The following NXF3 variants were observed in gnomAD, a reference collection of about 807,000 sequenced individuals.
The protein encoded by NXF3 is TAP-like protein 3.
NXF3 carries 34 observed loss-of-function variants against 48.4 expected under a neutral mutation model. The observed-to-expected ratio is 0.70, with a 90% CI of 0.53 to 0.93. NXF3 has a LOEUF of 0.93. Ranked by LOEUF, NXF3 falls within the 40% of genes least tolerant of loss-of-function variation. NXF3 has a pLI of 0.00. For synonymous variants in NXF3, 132 were observed against 145.7 expected, an observed-to-expected ratio of 0.91 and a Z score of 0.68; for missense variants, 359 against 406.1, an observed-to-expected ratio of 0.88 and a Z score of 1.00.
At chrX:103,080,645 A>G in intron 9 of NXF3, 33 bp from the exon 10 acceptor site, 1 of 1,193,865 alleles carries the variant, frequency 8.4e-7, no homozygotes, top group African/African-American at 1.7e-5. Flanking sequence ...GGACAACGGT[A>G]AGTGAAACTG....
chrX:103,084,838 A>G lies in NXF3; in HGVS notation c.74T>C (p.Ile25Thr), dbSNP rs1467618066. Residue 25 changes from isoleucine (I) to threonine (T), a missense_variant, in exon 2 of 20, where the codon ATT becomes ACT. Physicochemically the swap from Ile to Thr is moderately conservative, Grantham distance 89 (BLOSUM62 -1). Coordinates refer to ENST00000395065, the MANE Select transcript of NXF3 (RefSeq NM_022052.2). ...VVQRRARCWD[I>T]YQRRFSSRSE... is the part of the protein sequence containing the mutation. ...CCTACTGCTAAATCTCCTTTGGTAA[A>G]TATCCCAACATCTTGCTCTTCTTTG... 8.3e-7 allele frequency: 1 copy of G among 1,210,340 alleles called. No individual in the cohort carries two copies. The highest frequency in any genetic ancestry group is 1.1e-6 in the Non-Finnish European group (1 of 894,879).
chrX:103,087,257 T>C, intron 1 of NXF3: 1 of 1,022,937 alleles, frequency 9.8e-7, no homozygotes, highest in Non-Finnish European at 1.4e-6. Flanking sequence ...GCCAACAAAG[T>C]ACCTAGAAAC....
chrX:103,076,432 A>G, intron 18 of NXF3, 131 bp from the exon 19 acceptor site: 2 of 698,680 alleles, frequency 2.9e-6, no homozygotes, highest in Admixed American at 5.1e-5. Flanking sequence ...AGCAGAAGGA[A>G]CCCTGTGAAA....
Position 103,082,835 on chromosome X carries a change from A to G in NXF3, c.705T>C (p.Arg235=). The change falls in exon 8 of 20, where the codon CGT becomes CGC. Residue 235 remains arginine (R), a synonymous_variant. Transcript: ENST00000395065. The part of the protein sequence containing the change: ...RLPFYPDMVN[R]DTKMASNPRK... ...TAGGATTCGATGCCATCTTAGTATC[A>G]CGGTTCACCATGTCTCCAGAAAGCA... 8.3e-7 allele frequency: 1 copy of G among 1,208,609 alleles called. No homozygotes were observed. Among genetic ancestry groups the G allele is most frequent in the African/African-American group, 1.7e-5 (1 of 57,606 alleles).
intron 3 of NXF3, 77 bp downstream of exon 3, chrX:103,084,265 C>A: frequency 9.0e-7 from 1 of 1,105,534 alleles, no homozygotes; most frequent in East Asian, 3.0e-5. Flanking sequence ...ACAAAAGTAT[C>A]TAGTGTCCAC....
In NXF3 at chrX:103,083,249, C is replaced by T. The variant is rs778047246; in HGVS notation, c.565G>A (p.Gly189Ser). 5.8e-6 allele frequency: 7 copies of T among 1,209,029 alleles called. No homozygotes were observed. The highest frequency in any genetic ancestry group is 4.6e-4 in the Middle Eastern group (2 of 4,371). The change falls in exon 6 of 20, where the codon GGC becomes AGC. Residue 189 changes from glycine (G) to serine (S), a missense_variant. Physicochemically the swap from Gly to Ser is moderately conservative, Grantham distance 56 (BLOSUM62 0). Transcript: ENST00000395065. ...TCCCTGTGCACAAAGTGGGGTATGC[C>T]AGCAGGGTTGACAAAGATTGATATC... ...EKISIFVNPA[G>S]IPHFVHRELK...
intron 10 of NXF3, 66 bp from the exon 11 acceptor site, chrX:103,080,282 G>A: frequency 9.6e-7 from 1 of 1,041,789 alleles, no homozygotes; most frequent in Non-Finnish European, 1.3e-6. Flanking sequence ...TACGGAAAAG[G>A]ATAGACCCAG....
intron 18 of NXF3, 40 bp downstream of exon 18, chrX:103,077,574 T>C: frequency 3.3e-6 from 4 of 1,204,117 alleles, no homozygotes; most frequent in Non-Finnish European, 4.5e-6. Flanking sequence ...CTGAGGCAAC[T>C]GGTAGTTCAT....
intron 1 of NXF3, chrX:103,088,911 G>T (rs1922214721): frequency 1.7e-6 from 2 of 1,193,684 alleles, no homozygotes; most frequent in East Asian, 5.9e-5. Flanking sequence ...TCAAAAATAC[G>T]AGGTCTCAGA....
At position 103,082,989 on chromosome X, in the gene NXF3, C is replaced by T; in HGVS notation, c.691+15G>A. On this transcript the variant is annotated intron_variant, in intron 7 of 19. Transcript: ENST00000395065. ...TCTGCCCTCATCTACCATAGAATTA[C>T]TTTCTCAGCCATACCTGGGTAAAAT... 1 of 1,200,019 alleles carries T rather than the reference C, an allele frequency of 8.3e-7. No individual in the cohort carries two copies. The highest frequency in any genetic ancestry group is 1.1e-6 in the Non-Finnish European group (1 of 885,207).
At chrX:103,084,305 CT>C in intron 3 of NXF3, 36 bp downstream of exon 3, 1 of 1,204,973 alleles carries the variant, frequency 8.3e-7, no homozygotes, top group Non-Finnish European at 1.1e-6. Context: ...CCCTGTTCTC[CT>C]TCTGAACATT....
chrX:103,085,900 C>CAAAAAAAAAAAAAA (rs56135590), intron 1 of NXF3, among the ~76,000 whole-genome samples: 8 of 43,529 alleles, frequency 1.8e-4, no homozygotes, highest in Non-Finnish European at 2.0e-4. Context: ...GAGACTCTGT[C>CAAAAAAAAAAAAAA]AAAAAAAAAA....
At chrX:103,082,191 C>T in intron 9 of NXF3, 64 bp downstream of exon 9, 1 of 746,229 alleles carries the variant, frequency 1.3e-6, no homozygotes, top group Non-Finnish European at 2.1e-6. Flanking sequence ...GCTGCCTCCT[C>T]CTGCAGAAGG....
At chrX:103,083,312 A>T (rs772772391) in intron 5 of NXF3, 39 bp from the exon 6 acceptor site, 1 of 1,181,071 alleles carries the variant, frequency 8.5e-7, no homozygotes, top group Non-Finnish European at 1.2e-6. Flanking sequence ...AACACTAGGA[A>T]CTCTGACCCC....
At chrX:103,089,144 T>G in intron 1 of NXF3, 1 of 790,732 alleles carries the variant, frequency 1.3e-6, no homozygotes, top group South Asian at 2.1e-5. Flanking sequence ...AACTAATTCA[T>G]GCAGGGCAGA....
Position 103,083,696 on chromosome X carries a change from T to C in NXF3, c.352-4A>G, listed in dbSNP as rs1374200533. The C allele has an allele frequency of 8.4e-7, 1 of 1,184,104 alleles. No homozygotes were observed. The highest frequency in any genetic ancestry group is 1.8e-5 in the African/African-American group (1 of 56,649). ...TGTATTTTATGCCAAAGGGAACCTATGAGTGAAAGAAAGAATGAGTGAGGA... is the reference window on the plus strand; with the variant it reads ...TGTATTTTATGCCAAAGGGAACCTACGAGTGAAAGAAAGAATGAGTGAGGA... On this transcript the variant is annotated splice_region_variant and splice_polypyrimidine_tract_variant and intron_variant, in intron 3 of 19. Coordinates refer to ENST00000395065, the MANE Select transcript of NXF3 (RefSeq NM_022052.2).
chrX:103,084,295 C>T (rs941208531), intron 3 of NXF3, 47 bp downstream of exon 3: 1 of 1,193,176 alleles, frequency 8.4e-7, no homozygotes. Context: ...ACACAATTCC[C>T]CCTGTTCTCC....
At chrX:103,078,711 T>C in intron 16 of NXF3, 79 bp from the exon 17 acceptor site, 1 of 1,185,907 alleles carries the variant, frequency 8.4e-7, no homozygotes, top group Admixed American at 2.2e-5. Flanking sequence ...ATCAGAGTCT[T>C]GCTTGACACT....
At chrX:103,087,620 C>T in intron 1 of NXF3, 1 of 977,117 alleles carries the variant, frequency 1.0e-6, no homozygotes, top group Non-Finnish European at 1.5e-6. Context: ...GGCATTACAC[C>T]CGTGCTCTAA....
Sources: gnomAD v4.1 joint callset for allele counts (sites outside exome capture counted in the v4.1 genomes callset) on GRCh38, gnomAD v4.1.1 for gene constraint, MANE v1.5 for transcripts, NCBI Gene and HGNC (gene_info 2026-07-23, HGNC 2026-07-21) for gene names.